Variants in FRMD5 observed in about 807,000 individuals in gnomAD.
The protein encoded by FRMD5 is FERM domain-containing protein 5.
FRMD5 carries 20 observed loss-of-function variants against 69.0 expected under a neutral mutation model. The ratio of observed to expected loss-of-function variants is 0.29; its 90% confidence interval spans 0.20 to 0.42. The LOEUF (loss-of-function observed/expected upper bound fraction) is 0.42, where lower values mean the gene tolerates loss of function less well. FRMD5 is among the 10% of genes least tolerant of loss of function. The pLI is 1.00. For missense variants in FRMD5, 595 were observed against 708.6 expected, an observed-to-expected ratio of 0.84 and a Z score of 1.82; for synonymous variants, 271 against 260.1, an observed-to-expected ratio of 1.04 and a Z score of -0.40.
At chr15:44,133,709 C>G (rs1322640559) in intron 1 of FRMD5, among the ~76,000 whole-genome samples, 1 of 150,430 alleles carries the variant, frequency 6.6e-6, no homozygotes, top group Non-Finnish European at 1.5e-5. Flanking sequence ...TCTGACAAAC[C>G]AGAAAGAATA....
chr15:43,874,402 T>G lies in FRMD5; in HGVS notation c.1196A>C (p.Asp399Ala), dbSNP rs368308860. The change falls in exon 14 of 14, where the codon GAC (aspartate) becomes GCC (alanine). Residue 399 changes from aspartate (D) to alanine (A), a missense_variant. Coordinates refer to ENST00000417257, the MANE Select transcript of FRMD5 (RefSeq NM_032892.5). ...GCTTCTCACGTGAGGCAGGAAGGTG[T>G]CCCCATGGGAAGTGGAACGCACTGG... ...STPVRSTSHG[D>A]TFLPHVRSSR... 6.2e-7 allele frequency: 1 copy of G among 1,614,108 alleles called. No homozygotes were observed. Among genetic ancestry groups the G allele is most frequent in the Non-Finnish European group, 8.5e-7 (1 of 1,180,022 alleles).
At chr15:43,962,657 A>G (rs2090221706) in intron 1 of FRMD5, among the ~76,000 whole-genome samples, 1 of 152,224 alleles carries the variant, frequency 6.6e-6, no homozygotes, top group African/African-American at 2.4e-5. Flanking sequence ...TTCAAACTAT[A>G]CTACAAGGCT....
intron 1 of FRMD5, among the ~76,000 whole-genome samples, chr15:44,048,754 G>T (rs559831677): frequency 3.3e-5 from 5 of 152,148 alleles, no homozygotes; most frequent in Non-Finnish European, 2.9e-5. Flanking sequence ...TGTATTTTTA[G>T]TAGAGACAGG....
intron 5 of FRMD5, among the ~76,000 whole-genome samples, chr15:43,907,490 C>A (rs958406930): frequency 6.6e-6 from 1 of 151,248 alleles, no homozygotes; most frequent in Non-Finnish European, 1.5e-5. Flanking sequence ...CCACCTCAGC[C>A]TATAGCTGAG....
chr15:44,063,702 T>C (rs761300560), intron 1 of FRMD5: 3 of 345,106 alleles, frequency 8.7e-6, no homozygotes, highest in Non-Finnish European at 1.7e-5. Context: ...AGCCTGAGAA[T>C]GGGAAACTTG....
intron 1 of FRMD5, among the ~76,000 whole-genome samples, chr15:44,051,726 C>T (rs903077668): frequency 3.3e-5 from 5 of 151,824 alleles, no homozygotes; most frequent in African/African-American, 4.8e-5. Flanking sequence ...TTGACAGTTT[C>T]GAGGAGTACT....
At position 43,873,193 on chromosome 15, in the gene FRMD5, C is replaced by G; in HGVS notation, c.*692G>C. ...TACCCCACCCCTGATGCTGCTGTTGCTGTAGCGGTGGTCCCTTCAGATGCC... is the reference window on the plus strand; with the variant it reads ...TACCCCACCCCTGATGCTGCTGTTGGTGTAGCGGTGGTCCCTTCAGATGCC... On this transcript the variant is annotated 3_prime_UTR_variant, in exon 14 of 14. Coordinates refer to ENST00000417257, the MANE Select transcript of FRMD5 (RefSeq NM_032892.5). 1 of 1,550,536 alleles carries G rather than the reference C, an allele frequency of 6.4e-7. No individual in the cohort carries two copies. Among genetic ancestry groups the G allele is most frequent in the Non-Finnish European group, 8.7e-7 (1 of 1,146,982 alleles).
intron 1 of FRMD5, among the ~76,000 whole-genome samples, chr15:44,109,624 A>G (rs1318141398): frequency 6.6e-6 from 1 of 152,118 alleles, no homozygotes; most frequent in Non-Finnish European, 1.5e-5. Context: ...GTTATAATCA[A>G]TACATTGATT....
intron 1 of FRMD5, among the ~76,000 whole-genome samples, chr15:44,104,233 A>C (rs2140541071): frequency 6.6e-6 from 1 of 152,350 alleles, no homozygotes; most frequent in South Asian, 2.1e-4. Flanking sequence ...ATATTTTTAA[A>C]TGTTTTTGTA....
At chr15:43,965,237 A>C (rs970123001) in intron 1 of FRMD5, among the ~76,000 whole-genome samples, 1 of 152,224 alleles carries the variant, frequency 6.6e-6, no homozygotes, top group African/African-American at 2.4e-5. Context: ...ACTGCATTCT[A>C]TCTCCTGAGA....
intron 11 of FRMD5, 43 bp from the exon 12 acceptor site, chr15:43,884,838 G>T: frequency 6.6e-7 from 1 of 1,522,836 alleles, no homozygotes; most frequent in South Asian, 1.1e-5. Context: ...AAATGAGACT[G>T]TGTTGTAGGA....
intron 1 of FRMD5, among the ~76,000 whole-genome samples, chr15:44,146,930 T>C (rs2077365729): frequency 6.6e-6 from 1 of 152,206 alleles, no homozygotes; most frequent in Non-Finnish European, 1.5e-5. Flanking sequence ...TCTCCCACTC[T>C]GTAGGTTGCC....
chr15:44,014,864 T>C (rs944927113), intron 1 of FRMD5, among the ~76,000 whole-genome samples: 1 of 152,248 alleles, frequency 6.6e-6, no homozygotes, highest in Non-Finnish European at 1.5e-5. Context: ...ACATCAGGCA[T>C]GTGTAAGTTG....
intron 12 of FRMD5, 58 bp from the exon 13 acceptor site, chr15:43,883,867 C>CTTAA (rs1423247547): frequency 3.9e-6 from 5 of 1,294,746 alleles, no homozygotes; most frequent in Non-Finnish European, 5.6e-6. Context: ...TTGGTAGGCA[C>CTTAA]TTAAGAATTG....
At position 43,953,594 on chromosome 15, in the gene FRMD5, G is replaced by T. The variant is rs62023683; in HGVS notation, c.103-29285C>A. 3.6e-3 allele frequency among the ~76,000 whole-genome samples: 544 copies of T among 152,300 alleles called. 2 individuals carry two copies. The highest frequency in any genetic ancestry group is 6.2e-3 in the Non-Finnish European group (423 of 68,028). On this transcript the variant is annotated intron_variant, in intron 1 of 13. Transcript: ENST00000417257. ...ACTAAGCCTTGTTGCAGAACTAGGA[G>T]AACTATGGTAGATCCTTCTTTGATC... is the stretch of plus-strand genomic sequence containing the variant.
intron 1 of FRMD5, among the ~76,000 whole-genome samples, chr15:44,105,305 G>A (rs1303223044): frequency 6.6e-6 from 1 of 151,924 alleles, no homozygotes; most frequent in African/African-American, 2.4e-5. Flanking sequence ...TCTAACTCAT[G>A]GGCTCAAGTA....
intron 1 of FRMD5, among the ~76,000 whole-genome samples, chr15:44,068,299 A>G (rs1308114970): frequency 6.6e-6 from 1 of 152,242 alleles, no homozygotes; most frequent in Non-Finnish European, 1.5e-5. Flanking sequence ...AAATGTTCAT[A>G]GCAGCATTAT....
chr15:44,110,681 G>A (rs564475640), intron 1 of FRMD5, among the ~76,000 whole-genome samples: 87 of 152,012 alleles, frequency 5.7e-4, no homozygotes, highest in African/African-American at 1.9e-3. Context: ...TTTTTTCACC[G>A]TTCTAGCTAC....
intron 1 of FRMD5, among the ~76,000 whole-genome samples, chr15:44,126,622 A>T: frequency 6.6e-6 from 1 of 152,060 alleles, no homozygotes; most frequent in East Asian, 1.9e-4. Flanking sequence ...TCACATTCTT[A>T]TTGCCACACT....
Sources: allele counts gnomAD v4.1 joint callset (sites outside exome capture counted in the v4.1 genomes callset), GRCh38; gene constraint gnomAD v4.1.1; transcripts MANE v1.5; gene names NCBI Gene and HGNC (gene_info 2026-07-23, HGNC 2026-07-21).